ZCCHC14: variants seen among roughly 807,000 people sequenced by gnomAD.
ZCCHC14 encodes zinc finger CCHC domain-containing protein 14.
A neutral mutation model predicts 85.0 loss-of-function variants in ZCCHC14; 16 were observed. The ratio of observed to expected loss-of-function variants is 0.19; its 90% CI spans 0.13 to 0.29. ZCCHC14 has a LOEUF of 0.29. Among genes scored for constraint, ZCCHC14 ranks in the 10% least tolerant of loss-of-function variants. The pLI is 1.00. For synonymous variants in ZCCHC14, 775 were observed against 630.7 expected (o/e 1.23, Z -3.43); for missense variants, 1,303 against 1,443.5 (o/e 0.90, Z 1.58).
At chr16:87,452,801 G>GAGGTGC (rs1910768925) in intron 2 of ZCCHC14, among the ~76,000 whole-genome samples, 1 of 152,208 alleles carries the variant, frequency 6.6e-6, no homozygotes, top group African/African-American at 2.4e-5. Context: ...CGTGACAGCA[G>GAGGTGC]TTTCAGGGAG....
rs757659263 is a variant in ZCCHC14, at chr16:87,410,245, A to T, written c.*35T>A. On this transcript the variant is annotated 3_prime_UTR_variant, in exon 13 of 13. Transcript: ENST00000671377. ...TGTATTTAATTTTCCTTATGTCTCC[A>T]TGGCTTAATAACGTTCTGTTGCCAG... The T allele has an allele frequency of 2.7e-6, 2 of 736,234 alleles. No homozygotes were observed. The highest frequency in any genetic ancestry group is 3.0e-5 in the South Asian group (2 of 66,966). The allele number at this position is 736,234 out of a possible 1,614,324, so 45.6% of individuals were successfully genotyped here.
intron 3 of ZCCHC14, among the ~76,000 whole-genome samples, chr16:87,428,341 C>A (rs1246967125): frequency 2.0e-5 from 3 of 152,186 alleles, no homozygotes; most frequent in Non-Finnish European, 2.9e-5. Context: ...AAAAACGTTT[C>A]TTTGAATCTT....
intron 2 of ZCCHC14, among the ~76,000 whole-genome samples, chr16:87,454,798 C>G (rs1230858431): frequency 6.6e-6 from 1 of 152,218 alleles, no homozygotes; most frequent in Non-Finnish European, 1.5e-5. Context: ...GCAGAGCACA[C>G]GTAGCTGGAC....
chr16:87,418,344 C>T (rs985272924), intron 7 of ZCCHC14, among the ~76,000 whole-genome samples: 10 of 152,224 alleles, frequency 6.6e-5, no homozygotes, highest in South Asian at 2.1e-4. Flanking sequence ...TACCCTACCC[C>T]GACACCAGGA....
chr16:87,429,205 G>A (rs985855700), intron 3 of ZCCHC14, among the ~76,000 whole-genome samples: 7 of 152,194 alleles, frequency 4.6e-5, no homozygotes, highest in South Asian at 2.1e-4. Flanking sequence ...GGGTGGGGCC[G>A]GCGTTTTTCA....
chr16:87,487,494 C>T (rs933599241), intron 1 of ZCCHC14, among the ~76,000 whole-genome samples: 17 of 152,168 alleles, frequency 1.1e-4, no homozygotes, highest in African/African-American at 4.1e-4. Context: ...CACAGAGTTC[C>T]CTGCCACCTC....
chr16:87,424,052 G>C (rs1020227577), intron 3 of ZCCHC14, among the ~76,000 whole-genome samples, 171 bp from the exon 4 acceptor site: 22 of 152,202 alleles, frequency 1.4e-4, no homozygotes, highest in African/African-American at 4.8e-4. Context: ...AGAAAGAAGA[G>C]TCACATAGCT....
chr16:87,443,364 A>T (rs545054029), intron 2 of ZCCHC14, among the ~76,000 whole-genome samples: 34 of 152,274 alleles, frequency 2.2e-4, no homozygotes, highest in Non-Finnish European at 3.7e-4. Context: ...GCAGCTTTTT[A>T]TCAATGCAGG....
At chr16:87,411,364 C>T (rs903670579) in intron 12 of ZCCHC14, 152 bp downstream of exon 12, 28 of 1,506,240 alleles carry the variant, frequency 1.9e-5, no homozygotes, top group African/African-American at 7.0e-5. Flanking sequence ...GGGGACCTCA[C>T]GGCCTATCAT....
rs1908935443 is a variant in ZCCHC14 at position 87,418,844 on chromosome 16, C to G, written c.1100+3G>C. 1 of 1,613,176 alleles carries G rather than the reference C, an allele frequency of 6.2e-7. No homozygotes were observed. Among genetic ancestry groups the G allele is most frequent in the Non-Finnish European group, 8.5e-7 (1 of 1,179,322 alleles). ...TGTGCTGGTTACATAGAAGATTTCT[C>G]ACCTTCCAGACACGCCCATCACGGT... On this transcript the variant is annotated splice_donor_region_variant and intron_variant, in intron 7 of 12. Coordinates refer to ENST00000671377, the MANE Select transcript of ZCCHC14 (RefSeq NM_015144.3).
At chr16:87,446,725 T>G (rs536275668) in intron 2 of ZCCHC14, among the ~76,000 whole-genome samples, 187 of 152,222 alleles carry the variant, frequency 1.2e-3, no homozygotes, top group Non-Finnish European at 2.4e-3. Flanking sequence ...AGTTTCGCTC[T>G]GCCACCCAGG....
At chr16:87,417,394 G>A (rs896868744) in intron 8 of ZCCHC14, 66 bp downstream of exon 8, 3 of 1,561,406 alleles carry the variant, frequency 1.9e-6, no homozygotes, top group African/African-American at 2.7e-5. Context: ...GAAACTCAAT[G>A]CCCCCAGGGA....
At position 87,444,038 on chromosome 16, in the gene ZCCHC14, GAA is replaced by G. The variant is rs56352252; in HGVS notation, c.695-10839_695-10838del. ...GGTGACAGAGTGAGACTCTATCACA[GAA>G]AAAAAAAAAAAAAAAAAAAGAAAGA... On this transcript the variant is annotated intron_variant, in intron 2 of 12. Transcript: ENST00000671377. Among the ~76,000 whole-genome samples, 538 of 77,080 alleles carry G rather than the reference GAA, an allele frequency of 7.0e-3. 2 individuals carry two copies. The highest frequency in any genetic ancestry group is 0.028 in the African/African-American group (459 of 16,370). 50.6% of individuals were successfully genotyped at this position (77,080 alleles called of 152,430 possible). A position where few individuals can be genotyped will look rare whatever the true frequency, so the allele number is the denominator to read the frequency against.
chr16:87,450,132 C>T (rs567812793), intron 2 of ZCCHC14, among the ~76,000 whole-genome samples: 1 of 152,226 alleles, frequency 6.6e-6, no homozygotes, highest in South Asian at 2.1e-4. Context: ...AATGTCTTCA[C>T]ACTTGAACTA....
intron 2 of ZCCHC14, among the ~76,000 whole-genome samples, chr16:87,448,723 C>A (rs562868033): frequency 1.3e-5 from 2 of 152,308 alleles, no homozygotes; most frequent in South Asian, 4.1e-4. Flanking sequence ...ATGCAATATC[C>A]CCTCAGCCTC....
intron 3 of ZCCHC14, among the ~76,000 whole-genome samples, chr16:87,430,682 C>T (rs930067079): frequency 5.9e-5 from 9 of 152,026 alleles, no homozygotes; most frequent in Admixed American, 3.3e-4. Flanking sequence ...CCACCGCGCC[C>T]GGCTAATTTT....
intron 2 of ZCCHC14, among the ~76,000 whole-genome samples, chr16:87,448,853 C>T (rs1372637422): frequency 6.6e-6 from 1 of 152,314 alleles, no homozygotes; most frequent in East Asian, 1.9e-4. Flanking sequence ...GTTCTTTACC[C>T]CTCGTCACAC....
At chr16:87,419,684 C>T in intron 6 of ZCCHC14, 99 bp downstream of exon 6, 1 of 1,027,346 alleles carries the variant, frequency 9.7e-7, no homozygotes, top group Non-Finnish European at 1.3e-6. Flanking sequence ...GATCCGCCCG[C>T]CTCAGCCTCC....
At chr16:87,469,732 C>G (rs548085825) in intron 1 of ZCCHC14, among the ~76,000 whole-genome samples, 1 of 152,192 alleles carries the variant, frequency 6.6e-6, no homozygotes, top group South Asian at 2.1e-4. Context: ...CTGGGAGGAT[C>G]CAGGAGGGGC....
Sources: allele counts gnomAD v4.1 joint callset (sites outside exome capture counted in the v4.1 genomes callset), GRCh38; gene constraint gnomAD v4.1.1; transcripts MANE v1.5; gene names NCBI Gene and HGNC (gene_info 2026-07-23, HGNC 2026-07-21).